The following ZSWIM5 variants were observed in gnomAD, a reference collection of about 807,000 sequenced individuals.
ZSWIM5 encodes the protein zinc finger SWIM domain-containing protein 5.
In ZSWIM5, 55 loss-of-function variants were observed where a neutral mutation model predicts 119.6. The observed-to-expected ratio is 0.46, with a 90% CI of 0.37 to 0.58. The LOEUF (loss-of-function observed/expected upper bound fraction) is 0.58, where lower values mean the gene tolerates loss of function less well. Among genes scored for constraint, ZSWIM5 ranks in the 20% least tolerant of loss-of-function variants. ZSWIM5 has a pLI of 0.00. For missense variants in ZSWIM5, 1,193 were observed against 1,512.8 expected, an observed-to-expected ratio of 0.79 and a Z score of 3.51; for synonymous variants, 537 against 606.9, an observed-to-expected ratio of 0.88 and a Z score of 1.69.
chr1:45,048,450 T>A (rs1412788086), intron 5 of ZSWIM5, among the ~76,000 whole-genome samples: 2 of 151,676 alleles, frequency 1.3e-5, no homozygotes, highest in African/African-American at 2.4e-5. Flanking sequence ...AAAGAGGGAG[T>A]TAAGTGTGTA....
intron 2 of ZSWIM5, among the ~76,000 whole-genome samples, chr1:45,085,019 G>GC (rs1319709706): frequency 1.3e-5 from 2 of 152,232 alleles, no homozygotes; most frequent in Non-Finnish European, 2.9e-5. Flanking sequence ...TGAAGGCTCT[G>GC]CCCCTGCAGC....
At chr1:45,049,653 A>C (rs1645078469) in intron 5 of ZSWIM5, among the ~76,000 whole-genome samples, 1 of 152,054 alleles carries the variant, frequency 6.6e-6, no homozygotes, top group South Asian at 2.1e-4. Context: ...GTATCTACTA[A>C]ATATACAAAA....
chr1:45,091,491 TAAAA>T (rs35089745), intron 1 of ZSWIM5, among the ~76,000 whole-genome samples: 3 of 104,332 alleles, frequency 2.9e-5, no homozygotes. Flanking sequence ...ACCCTGTCTC[TAAAA>T]AAAAAAAAAA....
chr1:45,031,107 C>G (rs925791735), intron 11 of ZSWIM5, among the ~76,000 whole-genome samples: 1 of 146,676 alleles, frequency 6.8e-6, no homozygotes, highest in African/African-American at 2.5e-5. Context: ...CTTAATTGAT[C>G]TTTTCAAAGA....
intron 1 of ZSWIM5, among the ~76,000 whole-genome samples, chr1:45,143,101 G>A (rs1201713978): frequency 1.3e-5 from 2 of 150,268 alleles, no homozygotes; most frequent in African/African-American, 4.9e-5. Context: ...ACACCTGGGA[G>A]GCAGAGGTTG....
intron 1 of ZSWIM5, among the ~76,000 whole-genome samples, chr1:45,150,171 T>TAAAAAAAAAAAAAAAAAAAAAA (rs59869691): frequency 1.8e-4 from 17 of 93,296 alleles, no homozygotes; most frequent in East Asian, 3.0e-4. Flanking sequence ...CTCTATCTCT[T>TAAAAAAAAAAAAAAAAAAAAAA]AAAAAAAAAA....
intron 4 of ZSWIM5, among the ~76,000 whole-genome samples, chr1:45,052,530 C>G (rs979355738): frequency 1.3e-5 from 2 of 151,942 alleles, no homozygotes; most frequent in Admixed American, 1.3e-4. Flanking sequence ...AGCACTTTGG[C>G]AGGCCAAGGA....
At chr1:45,132,604 A>G (rs1645664461) in intron 1 of ZSWIM5, among the ~76,000 whole-genome samples, 1 of 151,740 alleles carries the variant, frequency 6.6e-6, no homozygotes, top group African/African-American at 2.4e-5. Flanking sequence ...CTACGGGAAA[A>G]TAATTTTTTT....
chr1:45,164,124 G>T (rs1205400904), intron 1 of ZSWIM5, among the ~76,000 whole-genome samples: 1 of 152,082 alleles, frequency 6.6e-6, no homozygotes, highest in Non-Finnish European at 1.5e-5. Context: ...TGGATCTCTC[G>T]GCAGAAACTC....
At chr1:45,157,367 G>A (rs1645832998) in intron 1 of ZSWIM5, among the ~76,000 whole-genome samples, 1 of 152,076 alleles carries the variant, frequency 6.6e-6, no homozygotes, top group Non-Finnish European at 1.5e-5. Flanking sequence ...GTAGAGACAA[G>A]GTCTCCCATG....
chr1:45,087,905 T>A lies in ZSWIM5; in HGVS notation c.928A>T (p.Asn310Tyr), dbSNP rs747592898. 6.2e-7 allele frequency: 1 copy of A among 1,609,388 alleles called. No homozygotes were observed. Among genetic ancestry groups the A allele is most frequent in the East Asian group, 2.2e-5 (1 of 44,836 alleles). Residue 310 changes from asparagine (N) to tyrosine (Y), a missense_variant, in exon 2 of 14, where the codon AAC becomes TAC. This residue lies in a region of ZSWIM5 where 961 missense variants were observed against 1,290.0 expected (regional missense o/e 0.74). Transcript: ENST00000359600. ...QKLADEILSS[N>Y]SEINQVNGAP... ...CCATTCACTTGGTTGATTTCTGAGT[T>A]GGAGGATAGAATCTCATCTGCCAGT... is the stretch of plus-strand genomic sequence containing the variant.
At chr1:45,170,426 C>CT (rs56817624) in intron 1 of ZSWIM5, among the ~76,000 whole-genome samples, 13,689 of 139,468 alleles carry the variant, frequency 0.098, 845 homozygotes, top group African/African-American at 0.17. Flanking sequence ...TATAAAATCA[C>CT]TTTTTTTTTT....
Position 45,019,300 on chromosome 1 carries a change from C to T in ZSWIM5, c.2712G>A (p.Val904=), listed in dbSNP as rs189323143. 2.2e-5 allele frequency: 36 copies of T among 1,610,652 alleles called. No homozygotes were observed. In the African/African-American group the frequency reaches 4.5e-4, roughly 20 times the overall value. The change falls in exon 14 of 14, where the codon GTG becomes GTA. Residue 904 remains valine, a synonymous_variant. Coordinates refer to ENST00000359600, the MANE Select transcript of ZSWIM5 (RefSeq NM_020883.2). This position sits in a 1 kb window ranked among gnomAD's most constrained non-coding sequence, Gnocchi z 5.0. ...CATEVGVRAL[V]SILQSWYTLF... ...GTGTGTACCAGCTCTGCAAGATGCT[C>T]ACCAGGGCCCGCACACCTGTCAGGG...
chr1:45,192,597 T>G (rs755197009), intron 1 of ZSWIM5, among the ~76,000 whole-genome samples: 7 of 152,236 alleles, frequency 4.6e-5, no homozygotes, highest in Non-Finnish European at 8.8e-5. Context: ...CTGCCTATTG[T>G]GAATAATGCT....
At chr1:45,129,309 C>T (rs529797479) in intron 1 of ZSWIM5, among the ~76,000 whole-genome samples, 112 of 152,136 alleles carry the variant, frequency 7.4e-4, no homozygotes, top group African/African-American at 2.5e-3. Flanking sequence ...CAGGCGCCCG[C>T]CACCACCCCT....
At chr1:45,120,644 CTT>C (rs376868791) in intron 1 of ZSWIM5, among the ~76,000 whole-genome samples, 2 of 145,038 alleles carry the variant, frequency 1.4e-5, no homozygotes, top group Non-Finnish European at 1.5e-5. Context: ...GTTTTTCTTT[CTT>C]TTTTTTTTTG....
chr1:45,039,048 G>T lies in ZSWIM5; in HGVS notation c.1782C>A (p.Thr594=). The change falls in exon 8 of 14, where the codon ACC becomes ACA. Residue 594 remains threonine (T), a synonymous_variant. Transcript: ENST00000359600. ...KKELLQRGTT[T]ITNLEGWVGH... ...CCACCCAGCCCTCCAGGTTTGTGAT[G>T]GTTGTGGTTCCTCTCTGCAACAGTT... 8 of 1,613,852 alleles carry T rather than the reference G, an allele frequency of 5.0e-6. No individual in the cohort carries two copies. The highest frequency in any genetic ancestry group is 3.3e-5 in the Admixed American group (2 of 60,022).
At chr1:45,140,675 CAACA>C (rs1645720956) in intron 1 of ZSWIM5, among the ~76,000 whole-genome samples, 1 of 152,118 alleles carries the variant, frequency 6.6e-6, no homozygotes, top group African/African-American at 2.4e-5. Flanking sequence ...ACACTGCCTA[CAACA>C]AACCCACTTA....
chr1:45,047,513 G>A (rs1645063175), intron 5 of ZSWIM5, among the ~76,000 whole-genome samples: 1 of 152,098 alleles, frequency 6.6e-6, no homozygotes, highest in African/African-American at 2.4e-5. Context: ...TTTTGTTTTG[G>A]TATGGGAAAT....
Sources: allele counts gnomAD v4.1 joint callset (sites outside exome capture counted in the v4.1 genomes callset), GRCh38; gene constraint gnomAD v4.1.1; regional missense constraint gnomAD v4.1.1; non-coding constraint Gnocchi (gnomAD v3.1); transcripts MANE v1.5; gene names NCBI Gene and HGNC (gene_info 2026-07-23, HGNC 2026-07-21).